Variants in RENBP observed in about 807,000 individuals in gnomAD.
The protein encoded by RENBP is renin binding protein, also known as N-acylglucosamine 2-epimerase.
Under a neutral mutation model 37.8 loss-of-function variants are expected in RENBP, and 16 were observed. The ratio of observed to expected loss-of-function variants is 0.42; its 90% CI spans 0.29 to 0.64. The LOEUF is 0.64. Among genes scored for constraint, RENBP ranks in the 30% least tolerant of loss-of-function variants. RENBP has a pLI of 0.19. For missense variants in RENBP, 347 were observed against 379.5 expected, an observed-to-expected ratio of 0.91 and a Z score of 0.71; for synonymous variants, 170 against 154.8, an observed-to-expected ratio of 1.10 and a Z score of -0.73.
rs370020218 is a variant in RENBP, at chrX:153,944,188, C to T, written c.138-33G>A. ...AAGGCAGGGTTAGCAAAGTCTGGAACGGGCCTTGCCAGCCCCTCCTGCCCC... is the reference window on the plus strand; with the variant it reads ...AAGGCAGGGTTAGCAAAGTCTGGAATGGGCCTTGCCAGCCCCTCCTGCCCC... On this transcript the variant is annotated intron_variant, in intron 2 of 10. Coordinates refer to ENST00000393700, the MANE Select transcript of RENBP (RefSeq NM_002910.6). 801 of 1,190,685 alleles carry T rather than the reference C, an allele frequency of 6.7e-4. 1 individual carries two copies. Among genetic ancestry groups the T allele is most frequent in the Non-Finnish European group, 8.1e-4 (713 of 880,744 alleles).
Position 153,941,950 on chromosome X carries a change from C to CCCCCG in RENBP, c.768_769insCGGGG (p.Gly257ArgfsTer28), listed in dbSNP as rs2065228587. 19 of 1,130,411 alleles carry CCCCCG rather than the reference C, an allele frequency of 1.7e-5. No homozygotes were observed. The highest frequency in any genetic ancestry group is 2.1e-5 in the Non-Finnish European group (17 of 823,002). 93.2% of individuals were successfully genotyped at this position (1,130,411 alleles called of 1,213,427 possible). ...GCCCCCAGCCCACCCCGCCCCTCAC[C>CCCCCG]TGGGTTCTGCTGTCTCCCCAGGCAG... On this transcript the variant is annotated frameshift_variant and splice_region_variant, in exon 7 of 11. Transcript: ENST00000393700. LOFTEE classifies it high-confidence loss of function.
Position 153,941,660 on chromosome X carries a change from A to G in RENBP, c.770-7T>C. On this transcript the variant is annotated splice_polypyrimidine_tract_variant and splice_region_variant and intron_variant, in intron 7 of 10. Coordinates refer to ENST00000393700, the MANE Select transcript of RENBP (RefSeq NM_002910.6). Reference sequence around the variant, plus strand: ...CCGGCTTCCAGCGTGTGGCCTGGTGAGGGGTGGAGTACGGAAGGGCGGGGG... The same window carrying G: ...CCGGCTTCCAGCGTGTGGCCTGGTGGGGGGTGGAGTACGGAAGGGCGGGGG... 2 of 729,046 alleles carry G rather than the reference A, an allele frequency of 2.7e-6. No homozygotes were observed. The highest frequency in any genetic ancestry group is 3.5e-6 in the Non-Finnish European group (2 of 570,001). The allele number at this position is 729,046 out of a possible 1,213,427, so 60.1% of individuals were successfully genotyped here. A position where few individuals can be genotyped will look rare whatever the true frequency, so the allele number is the denominator to read the frequency against.
chrX:153,941,791 G>A (rs1603292147), intron 7 of RENBP, 138 bp from the exon 8 acceptor site: 1 of 733,309 alleles, frequency 1.4e-6, no homozygotes, highest in East Asian at 3.4e-5. Context: ...GGCCCTGGAA[G>A]CCTGCTCCTC....
In RENBP at chrX:153,941,984, T is replaced by C. The variant is rs782218362; in HGVS notation, c.735A>G (p.Glu245=). 2.7e-6 allele frequency: 3 copies of C among 1,096,491 alleles called. No homozygotes were observed. Among genetic ancestry groups the C allele is most frequent in the South Asian group, 1.8e-5 (1 of 54,979 alleles). 90.4% of individuals were successfully genotyped at this position (1,096,491 alleles called of 1,213,427 possible). The part of the protein sequence containing the change: ...VLENVSEGGK[E]LPGCLGRQQN... ...GCTGTCTCCCCAGGCAGCCAGGAAG[T>C]TCCTTGCCACCCTCTGACACATTCT... is the stretch of plus-strand genomic sequence containing the variant. Residue 245 remains glutamate, a synonymous_variant, in exon 7 of 11, where the codon GAA becomes GAG. Coordinates refer to ENST00000393700, the MANE Select transcript of RENBP (RefSeq NM_002910.6).
Position 153,943,656 on chromosome X carries a change from G to C in RENBP, c.352C>G (p.Leu118Val), listed in dbSNP as rs1331994237. 2 of 1,210,100 alleles carry C rather than the reference G, an allele frequency of 1.7e-6. No homozygotes were observed. Among genetic ancestry groups the C allele is most frequent in the African/African-American group, 3.5e-5 (2 of 57,359 alleles). ...APPGKKCAFV[L>V]TRDGRPVKVQ... ...TTGACCGGGCGGCCGTCCCGAGTCAGCACAAAGGCACACTTCTTGCCAGGA... is the reference window on the plus strand; with the variant it reads ...TTGACCGGGCGGCCGTCCCGAGTCACCACAAAGGCACACTTCTTGCCAGGA... The change falls in exon 5 of 11, where the codon CTG (leucine) becomes GTG (valine). Residue 118 changes from leucine (L) to valine (V), a missense_variant. Physicochemically the swap from Leu to Val is conservative, Grantham distance 32 (BLOSUM62 1). Coordinates refer to ENST00000393700, the MANE Select transcript of RENBP (RefSeq NM_002910.6).
intron 9 of RENBP, chrX:153,935,851 C>T (rs2065197801): frequency 3.0e-6 from 1 of 334,203 alleles, no homozygotes; most frequent in East Asian, 5.5e-5. Flanking sequence ...TCTATCGGGC[C>T]GGGAGCTGTG....
Position 153,940,891 on chromosome X carries a change from G to A in RENBP, c.945+587C>T, listed in dbSNP as rs782706459. ...GCGGTGGCTCACGCCTATAATCCCA[G>A]CACTTTGGGAGGCTGAGGCGGGCGG... On this transcript the variant is annotated intron_variant, in intron 8 of 10. Transcript: ENST00000393700. Among the ~76,000 whole-genome samples the A allele has an allele frequency of 4.5e-5, 5 of 111,833 alleles. No individual in the cohort carries two copies. The South Asian group carries it at 1.5e-3, about 33-fold the overall frequency.
chrX:153,944,443 G>A (rs1557110233), intron 1 of RENBP, 25 bp from the exon 2 acceptor site: 19 of 1,185,657 alleles, frequency 1.6e-5, no homozygotes, highest in Admixed American at 2.2e-5. Context: ...GCTTGAAGGC[G>A]CAGCCCCCAC....
At chrX:153,940,020 C>T in intron 9 of RENBP, 82 bp downstream of exon 9, 3 of 1,107,171 alleles carry the variant, frequency 2.7e-6, no homozygotes, top group East Asian at 6.0e-5. Context: ...CTGTGCTCAG[C>T]GAGGGGGCAA....
chrX:153,941,820 TG>T, intron 7 of RENBP, 129 bp downstream of exon 7: 1 of 758,915 alleles, frequency 1.3e-6, no homozygotes, highest in Non-Finnish European at 2.0e-6. Context: ...CCCCCAGCCT[TG>T]GGAAGCCCAT....
In RENBP at chrX:153,943,049, C is replaced by T. The variant is rs1393872495; in HGVS notation, c.493G>A (p.Val165Ile). The change falls in exon 6 of 11, where the codon GTC (valine) becomes ATC (isoleucine). Residue 165 changes from valine to isoleucine, a missense_variant. Val to Ile is a conservative substitution (Grantham distance 29). Transcript: ENST00000393700. ...TEAVEMMDQI[V>I]HWVQEDASGL... ...GACGCGTCCTCCTGCACCCAGTGGA[C>T]GATCTGATCCATCATCTCCACCGCT... 1 of 1,183,338 alleles carries T rather than the reference C, an allele frequency of 8.5e-7. No homozygotes were observed.
chrX:153,941,925 G>GCGCGCC, intron 7 of RENBP, 25 bp downstream of exon 7: 2 of 708,490 alleles, frequency 2.8e-6, no homozygotes, highest in Non-Finnish European at 4.6e-6. Flanking sequence ...CTCCTGGGTG[G>GCGCGCC]CCCCCAGCCC....
At chrX:153,939,257 T>A (rs1479196330) in intron 9 of RENBP, among the ~76,000 whole-genome samples, 2 of 111,678 alleles carry the variant, frequency 1.8e-5, no homozygotes, top group East Asian at 2.8e-4. Context: ...GCTAATTTTT[T>A]AAAATTTTTT....
At chrX:153,943,163 G>A in intron 5 of RENBP, 84 bp from the exon 6 acceptor site, 1 of 733,801 alleles carries the variant, frequency 1.4e-6, no homozygotes. Flanking sequence ...GGGTGGGAGA[G>A]CCAATTCCTC....
At chrX:153,939,956 G>T (rs1484120812) in intron 9 of RENBP, 146 bp downstream of exon 9, 17 of 750,642 alleles carry the variant, frequency 2.3e-5, no homozygotes, top group Non-Finnish European at 2.9e-5. Context: ...AGGCTTCTTC[G>T]TTGACTGAAC....
At chrX:153,942,150 A>T in intron 6 of RENBP, 119 bp from the exon 7 acceptor site, 1 of 520,896 alleles carries the variant, frequency 1.9e-6, no homozygotes. Flanking sequence ...AAGCCCCTGG[A>T]CCTGCTGGCT....
At chrX:153,937,619 T>C (rs2065209150) in intron 9 of RENBP, among the ~76,000 whole-genome samples, 1 of 109,399 alleles carries the variant, frequency 9.1e-6, no homozygotes, top group African/African-American at 3.3e-5. Flanking sequence ...TTTATTTATT[T>C]ATTTTTTTTA....
intron 9 of RENBP, among the ~76,000 whole-genome samples, chrX:153,937,760 T>C (rs1317470272): frequency 1.8e-5 from 2 of 111,217 alleles, no homozygotes; most frequent in Non-Finnish European, 3.8e-5. Context: ...ACCCGGCTAA[T>C]TTTTTGTATT....
chrX:153,936,764 G>T (rs181012289), intron 9 of RENBP, among the ~76,000 whole-genome samples: 1 of 111,328 alleles, frequency 9.0e-6, no homozygotes, highest in Admixed American at 9.6e-5. Context: ...CATTCCATGG[G>T]GCACCTGTCT....
Sources: gnomAD v4.1 joint callset for allele counts (sites outside exome capture counted in the v4.1 genomes callset) on GRCh38, gnomAD v4.1.1 for gene constraint, MANE v1.5 for transcripts, NCBI Gene and HGNC (gene_info 2026-07-23, HGNC 2026-07-21) for gene names.